CALN1: variants seen among roughly 807,000 people sequenced by gnomAD.
CALN1 encodes the protein calcium-binding protein 8.
A neutral mutation model predicts 30.6 loss-of-function variants in CALN1; 17 were observed. The observed-to-expected ratio is 0.56, with a 90% CI of 0.38 to 0.83. The LOEUF is 0.83. Ranked by LOEUF, CALN1 falls within the 40% of genes least tolerant of loss-of-function variation. CALN1 has a pLI of 0.00. For synonymous variants in CALN1, 156 were observed against 131.4 expected (o/e 1.19, Z -1.28); for missense variants, 291 against 354.9 (o/e 0.82, Z 1.45).
intron 4 of CALN1, among the ~76,000 whole-genome samples, chr7:72,034,837 G>C (rs1801694449): frequency 6.7e-6 from 1 of 148,514 alleles, no homozygotes; most frequent in Non-Finnish European, 1.5e-5. Flanking sequence ...GGATCTATAG[G>C]AAGATCCCTA....
intron 6 of CALN1, among the ~76,000 whole-genome samples, chr7:71,807,592 CA>C (rs1201799458): frequency 6.6e-6 from 1 of 152,126 alleles, no homozygotes; most frequent in Non-Finnish European, 1.5e-5. Flanking sequence ...ATGCAACGTG[CA>C]AATTACAAAA....
intron 2 of CALN1, among the ~76,000 whole-genome samples, chr7:72,330,757 G>A (rs1200737497): frequency 6.6e-6 from 1 of 152,190 alleles, no homozygotes; most frequent in East Asian, 1.9e-4. Flanking sequence ...CTTATTCACA[G>A]CAGCACAGTC....
the CALN1 span, among the ~76,000 whole-genome samples, chr7:72,504,183 G>A: frequency 3.9e-5 from 6 of 152,282 alleles, no homozygotes; most frequent in East Asian, 1.2e-3. Context: ...AAAGGCAAAC[G>A]GATTGCTGTG....
chr7:72,462,492 G>A, the CALN1 span, among the ~76,000 whole-genome samples: 3 of 152,194 alleles, frequency 2.0e-5, no homozygotes, highest in Non-Finnish European at 2.9e-5. Flanking sequence ...GCTTGTCCCT[G>A]TATCTTTAGT....
chr7:71,856,791 C>T (rs1386937823), intron 5 of CALN1, among the ~76,000 whole-genome samples: 3 of 151,962 alleles, frequency 2.0e-5, no homozygotes, highest in Non-Finnish European at 4.4e-5. Context: ...CCCATCTCTA[C>T]TAGAAATACA....
chr7:72,405,592 C>G (rs1806641764), intron 1 of CALN1, among the ~76,000 whole-genome samples: 1 of 152,172 alleles, frequency 6.6e-6, no homozygotes, highest in African/African-American at 2.4e-5. Context: ...TATGACTCAT[C>G]TATTCACACA....
intron 2 of CALN1, among the ~76,000 whole-genome samples, chr7:72,303,811 G>C (rs1799460852): frequency 1.3e-5 from 2 of 152,018 alleles, no homozygotes; most frequent in African/African-American, 4.8e-5. Flanking sequence ...GGAGATCAAG[G>C]CTTAGTGAGC....
chr7:72,158,236 C>A (rs1787852064), intron 3 of CALN1, among the ~76,000 whole-genome samples: 1 of 152,162 alleles, frequency 6.6e-6, no homozygotes, highest in Non-Finnish European at 1.5e-5. Flanking sequence ...CAATAAATAA[C>A]TAAGCACATA....
intron 5 of CALN1, among the ~76,000 whole-genome samples, chr7:71,871,313 C>T (rs1222940191): frequency 1.3e-5 from 2 of 152,118 alleles, no homozygotes; most frequent in Admixed American, 6.5e-5. Context: ...TTCCAATTAG[C>T]GTGAATTGTC....
intron 5 of CALN1, among the ~76,000 whole-genome samples, chr7:71,896,295 C>T (rs1305753382): frequency 6.6e-6 from 1 of 152,150 alleles, no homozygotes; most frequent in Non-Finnish European, 1.5e-5. Context: ...ATAAACTCGA[C>T]AATTGAGGGC....
At position 72,384,167 on chromosome 7, in the gene CALN1, C is replaced by T. The variant is rs147884707; in HGVS notation, c.119+19084G>A. Among the ~76,000 whole-genome samples the T allele has an allele frequency of 8.0e-3, 1,225 of 152,290 alleles. 19 individuals carry two copies. The highest frequency in any genetic ancestry group is 0.028 in the African/African-American group (1,168 of 41,566). Reference sequence around the variant, plus strand: ...TACTGGCAGGGGACATTTTTGCAGACTGTTGCCTTTAATAAAATAGTTTTT... The same window carrying T: ...TACTGGCAGGGGACATTTTTGCAGATTGTTGCCTTTAATAAAATAGTTTTT... On this transcript the variant is annotated intron_variant, in intron 2 of 6. Coordinates refer to ENST00000395275, the MANE Select transcript of CALN1 (RefSeq NM_031468.4).
chr7:72,338,527 G>GTGTGTGTGTGTGTGTGTC lies in CALN1; in HGVS notation c.120-59718_120-59717insGACACACACACACACACA, dbSNP rs1190799242. 7.0e-4 allele frequency among the ~76,000 whole-genome samples: 101 copies of GTGTGTGTGTGTGTGTGTC among 144,562 alleles called. 1 individual carries two copies. The highest frequency in any genetic ancestry group is 2.5e-3 in the African/African-American group (91 of 36,990). The allele number at this position is 144,562 out of a possible 152,430, so 94.8% of individuals were successfully genotyped here. ...TGTGTGTGTGTGTGTGTGTGTGTGTGTCTCACCTGGGTGTGGTTTCAGAGT... is the reference window on the plus strand; with the variant it reads ...TGTGTGTGTGTGTGTGTGTGTGTGTGTGTGTGTGTGTGTGTGTCTCTCACCTGGGTGTGGTTTCAGAGT... On this transcript the variant is annotated intron_variant, in intron 2 of 6. Transcript: ENST00000395275.
intron 4 of CALN1, among the ~76,000 whole-genome samples, chr7:72,096,249 C>A (rs935729178): frequency 6.6e-6 from 1 of 152,152 alleles, no homozygotes; most frequent in Non-Finnish European, 1.5e-5. Context: ...CACATGCAAG[C>A]ACTTTGAGGG....
chr7:72,014,757 G>A (rs1174114674), intron 5 of CALN1, among the ~76,000 whole-genome samples: 1 of 151,900 alleles, frequency 6.6e-6, no homozygotes, highest in Non-Finnish European at 1.5e-5. Context: ...GACCTCCCAG[G>A]CTAAATTGAT....
At chr7:72,294,610 G>A (rs751381380) in intron 2 of CALN1, among the ~76,000 whole-genome samples, 14 of 151,890 alleles carry the variant, frequency 9.2e-5, no homozygotes, top group Admixed American at 2.6e-4. Flanking sequence ...ATAGCCTAGC[G>A]TGGTGGTGCG....
At chr7:72,084,459 A>T (rs1805352790) in intron 4 of CALN1, among the ~76,000 whole-genome samples, 1 of 151,122 alleles carries the variant, frequency 6.6e-6, no homozygotes, top group Admixed American at 6.6e-5. Flanking sequence ...CCCGGGTTCA[A>T]GCAATTCTCC....
At chr7:72,336,035 C>T (rs1391376342) in intron 2 of CALN1, among the ~76,000 whole-genome samples, 1 of 152,152 alleles carries the variant, frequency 6.6e-6, no homozygotes, top group Non-Finnish European at 1.5e-5. Context: ...CCAGACCCAT[C>T]CAGCTGCTTG....
rs1792836423 is a variant in CALN1 at position 71,783,683 on chromosome 7, T to C, written c.*4092A>G. The C allele has an allele frequency of 6.5e-6, 1 of 152,700 alleles. No individual in the cohort carries two copies. Among genetic ancestry groups the C allele is most frequent in the Admixed American group, 6.5e-5 (1 of 15,284 alleles). 9.5% of individuals were successfully genotyped at this position (152,700 alleles called of 1,614,324 possible). A position where few individuals can be genotyped will look rare whatever the true frequency, so the allele number is the denominator to read the frequency against. Reference sequence around the variant, plus strand: ...GAGCAACGTGCAAAACTGTCTTTGATTTATGACCTGAGTCTGGACTTAAAC... The same window carrying C: ...GAGCAACGTGCAAAACTGTCTTTGACTTATGACCTGAGTCTGGACTTAAAC... On this transcript the variant is annotated 3_prime_UTR_variant, in exon 7 of 7. Transcript: ENST00000395275.
At chr7:71,923,750 C>G (rs1171577277) in intron 5 of CALN1, among the ~76,000 whole-genome samples, 2 of 152,066 alleles carry the variant, frequency 1.3e-5, no homozygotes, top group Non-Finnish European at 2.9e-5. Context: ...TTCCTGGAGA[C>G]AGCTAGACAC....
Sources: gnomAD v4.1 joint callset for allele counts (sites outside exome capture counted in the v4.1 genomes callset) on GRCh38, gnomAD v4.1.1 for gene constraint, MANE v1.5 for transcripts, NCBI Gene and HGNC (gene_info 2026-07-23, HGNC 2026-07-21) for gene names.